RTP2: variants seen among roughly 807,000 people sequenced by gnomAD.
RTP2 encodes the protein receptor-transporting protein 2.
A neutral mutation model predicts 17.9 loss-of-function variants in RTP2; 12 were observed. That is an observed-to-expected ratio of 0.67 (90% CI 0.43 to 1.09). The LOEUF (loss-of-function observed/expected upper bound fraction) is 1.09, where lower values mean the gene tolerates loss of function less well. Among genes scored for constraint, RTP2 ranks in the 50% least tolerant of loss-of-function variants. RTP2 has a pLI of 0.00. For synonymous variants in RTP2, 126 were observed against 117.7 expected, an observed-to-expected ratio of 1.07 and a Z score of -0.46; for missense variants, 327 against 295.7, an observed-to-expected ratio of 1.11 and a Z score of -0.78.
chr3:187,704,594 A>G (rs1717944065), upstream of RTP2, among the ~76,000 whole-genome samples: 1 of 152,226 alleles, frequency 6.6e-6, no homozygotes, highest in South Asian at 2.1e-4. Context: ...AAAATGAGCT[A>G]GTGGTTTATA....
At chr3:187,705,150 G>A (rs1046453270), upstream of RTP2, among the ~76,000 whole-genome samples, 1 of 152,080 alleles carries the variant, frequency 6.6e-6, no homozygotes, top group African/African-American at 2.4e-5. Flanking sequence ...GATAGAAATA[G>A]GGTGTGCTCC....
rs140924394 is a variant in RTP2 at position 187,698,690 on chromosome 3, G to C, written c.486C>G (p.Ile162Met). The change falls in exon 2 of 2, where the codon ATC (isoleucine) becomes ATG (methionine). Residue 162 changes from isoleucine (I) to methionine (M), a missense_variant. Transcript: ENST00000358241. ...GCTTCTCGCTGGGCTTCCAGTGAAC[G>C]ATGCCCTCCTGGCAGGCCTCACAGA... The C allele has an allele frequency of 1.8e-4, 290 of 1,614,080 alleles. No individual in the cohort carries two copies. The highest frequency in any genetic ancestry group is 2.5e-4 in the Admixed American group (15 of 60,022).
chr3:187,705,972 C>A (rs868599297), upstream of RTP2, among the ~76,000 whole-genome samples: 29 of 152,274 alleles, frequency 1.9e-4, no homozygotes, highest in South Asian at 2.3e-3. Flanking sequence ...TAAAAGCCCC[C>A]AGTAAAGATT....
chr3:187,700,549 G>A lies in RTP2; in HGVS notation c.164+1416C>T, dbSNP rs765042198. ...GGATCCTGGGCACTCAAGTTTCCAGGCATCTGCACCTCTTCCACCAGGCAG... is the reference window on the plus strand; with the variant it reads ...GGATCCTGGGCACTCAAGTTTCCAGACATCTGCACCTCTTCCACCAGGCAG... On this transcript the variant is annotated intron_variant, in intron 1 of 1. Transcript: ENST00000358241. 1.5e-3 allele frequency among the ~76,000 whole-genome samples: 233 copies of A among 152,314 alleles called. 2 individuals carry two copies. The highest frequency in any genetic ancestry group is 2.2e-3 in the Non-Finnish European group (150 of 68,028).
In RTP2 at chr3:187,701,956, A is replaced by C; in HGVS notation, c.164+9T>G. 6.3e-7 allele frequency: 1 copy of C among 1,577,186 alleles called. No individual in the cohort carries two copies. The highest frequency in any genetic ancestry group is 8.6e-7 in the Non-Finnish European group (1 of 1,159,086). On this transcript the variant is annotated intron_variant, in intron 1 of 1. Transcript: ENST00000358241. ...TGTCTGCAAGGTCCCTCCCCACTGAACCTCTCACCTGCCTGAGGCGTGCTG... is the reference window on the plus strand; with the variant it reads ...TGTCTGCAAGGTCCCTCCCCACTGACCCTCTCACCTGCCTGAGGCGTGCTG...
the RTP2 span, among the ~76,000 whole-genome samples, chr3:187,713,514 A>AGAACGCT: frequency 0.096 from 14,667 of 152,214 alleles, 937 homozygotes; most frequent in African/African-American, 0.16. Flanking sequence ...AAGCACCCCA[A>AGAACGCT]GAACGCTGGT....
chr3:187,708,263 T>C, the RTP2 span, among the ~76,000 whole-genome samples: 1 of 152,234 alleles, frequency 6.6e-6, no homozygotes, highest in Non-Finnish European at 1.5e-5. Context: ...TATAGGAAGA[T>C]AGAAAAATCT....
At chr3:187,698,501 A>G (rs776702779) in exon 2 of RTP2, 21 of 1,603,142 alleles carry the variant, frequency 1.3e-5, no homozygotes, top group Non-Finnish European at 1.6e-5. Flanking sequence ...AGCTCCACTA[A>G]AAGAAGGCAG....
exon 2 of RTP2, chr3:187,698,451 C>T (rs1466503606): frequency 1.3e-6 from 2 of 1,510,724 alleles, no homozygotes; most frequent in Non-Finnish European, 1.8e-6. Flanking sequence ...ACTGTGTCCT[C>T]CCCACTCTCA....
chr3:187,700,649 T>C (rs1053362153), intron 1 of RTP2, among the ~76,000 whole-genome samples: 2 of 152,176 alleles, frequency 1.3e-5, no homozygotes, highest in African/African-American at 4.8e-5. Context: ...TTCACCTACA[T>C]CAAGTTAGGC....
the RTP2 span, among the ~76,000 whole-genome samples, chr3:187,711,800 C>T: frequency 2.8e-4 from 43 of 152,232 alleles, no homozygotes; most frequent in Middle Eastern, 3.4e-3. Flanking sequence ...CAGTGGGTTC[C>T]GAAGAGGATC....
At chr3:187,698,713 A>G (rs1187795737) in exon 2 of RTP2, 13 of 1,613,956 alleles carry the variant, frequency 8.1e-6, no homozygotes, top group Non-Finnish European at 1.1e-5. Flanking sequence ...CAGGCCTCAC[A>G]GAACTCTGCA....
chr3:187,704,883 G>C (rs1050812183), upstream of RTP2, among the ~76,000 whole-genome samples: 4 of 152,182 alleles, frequency 2.6e-5, no homozygotes, highest in African/African-American at 9.6e-5. Context: ...GTGGCACATA[G>C]TGGAATCTTC....
intron 1 of RTP2, among the ~76,000 whole-genome samples, chr3:187,699,729 C>CACACA (rs1717793534): frequency 2.6e-5 from 3 of 116,440 alleles, no homozygotes; most frequent in African/African-American, 1.0e-4. Flanking sequence ...CATTGCCACT[C>CACACA]CACACACACA....
chr3:187,715,554 G>T, the RTP2 span: 1 of 424,588 alleles, frequency 2.4e-6, no homozygotes, highest in Non-Finnish European at 4.8e-6. Context: ...GGCCTTGGGG[G>T]AGCTGTGTCC....
At chr3:187,704,479 T>C (rs1376920732), upstream of RTP2, among the ~76,000 whole-genome samples, 1 of 152,190 alleles carries the variant, frequency 6.6e-6, no homozygotes, top group Non-Finnish European at 1.5e-5. Context: ...CCTACTCCAG[T>C]CCTGGGAAGA....
Position 187,699,923 on chromosome 3 carries a change from T to G in RTP2, c.165-912A>C, listed in dbSNP as rs540659654. Among the ~76,000 whole-genome samples the G allele has an allele frequency of 2.0e-5, 3 of 152,252 alleles. No homozygotes were observed. The South Asian group carries it at 6.2e-4, about 32-fold the overall frequency. ...GCCCCACTCACTCCGCCCCCACCAC[T>G]GCCTGCACACTTTCAGTGATGCAGC... On this transcript the variant is annotated intron_variant, in intron 1 of 1. Transcript: ENST00000358241.
At chr3:187,710,399 A>ATATC in the RTP2 span, among the ~76,000 whole-genome samples, 1 of 140,854 alleles carries the variant, frequency 7.1e-6, no homozygotes, top group African/African-American at 2.6e-5. Context: ...ATATATATAT[A>ATATC]TCATATATTA....
chr3:187,703,744 C>T (rs1052156745), upstream of RTP2, among the ~76,000 whole-genome samples: 14 of 152,142 alleles, frequency 9.2e-5, no homozygotes, highest in African/African-American at 2.7e-4. Flanking sequence ...CCTAGACCCT[C>T]GTGCCAGGAA....
Sources: gnomAD v4.1 joint callset for allele counts (sites outside exome capture counted in the v4.1 genomes callset) on GRCh38, gnomAD v4.1.1 for gene constraint, MANE v1.5 for transcripts, NCBI Gene and HGNC (gene_info 2026-07-23, HGNC 2026-07-21) for gene names.